Variants in SNX29 observed in about 807,000 individuals in gnomAD.
SNX29 encodes sorting nexin 29, also known as sorting nexin-29.
In SNX29, 78 loss-of-function variants were observed where a neutral mutation model predicts 102.1. The observed-to-expected ratio is 0.76, with a 90% CI of 0.64 to 0.92. The LOEUF is 0.92. Among genes scored for constraint, SNX29 ranks in the 40% least tolerant of loss-of-function variants. SNX29 has a pLI of 0.00. For missense variants in SNX29, 1,280 were observed against 1,061.7 expected (o/e 1.21, Z -2.86); for synonymous variants, 580 against 414.5 (o/e 1.40, Z -4.85).
chr16:12,519,513 T>C (rs1198130299), intron 19 of SNX29, among the ~76,000 whole-genome samples: 4 of 147,132 alleles, frequency 2.7e-5, no homozygotes, highest in African/African-American at 1.1e-4. Context: ...AATGGGAAAA[T>C]GTTGTTAATT....
At position 12,572,647 on chromosome 16, in the gene SNX29, A is replaced by C. The variant is rs562938638; in HGVS notation, c.*4018A>C. ...GAATCCATCCTTCATTCCTCCACCA[A>C]GCTCCTGTGTGAGCTGCAGCACCCA... On this transcript the variant is annotated 3_prime_UTR_variant, in exon 21 of 21. Coordinates refer to ENST00000566228, the MANE Select transcript of SNX29 (RefSeq NM_032167.5). 2 of 1,063,526 alleles carry C rather than the reference A, an allele frequency of 1.9e-6. No individual in the cohort carries two copies. Among genetic ancestry groups the C allele is most frequent in the Non-Finnish European group, 2.3e-6 (2 of 878,242 alleles). 65.9% of individuals were successfully genotyped at this position (1,063,526 alleles called of 1,614,324 possible).
intron 20 of SNX29, among the ~76,000 whole-genome samples, chr16:12,547,079 C>G (rs2077651711): frequency 6.6e-6 from 1 of 152,172 alleles, no homozygotes; most frequent in African/African-American, 2.4e-5. Context: ...GGCAGACATG[C>G]CTATGTGAGG....
chr16:12,539,659 A>G (rs912396436), intron 20 of SNX29, among the ~76,000 whole-genome samples: 11 of 152,206 alleles, frequency 7.2e-5, no homozygotes, highest in Non-Finnish European at 1.2e-4. Flanking sequence ...CCCACAGCGT[A>G]TGAGGGGCCC....
intron 14 of SNX29, among the ~76,000 whole-genome samples, chr16:12,227,555 A>T (rs1217908394): frequency 6.6e-6 from 1 of 152,154 alleles, no homozygotes; most frequent in Admixed American, 6.5e-5. Context: ...AGCTTATCTT[A>T]CACAAATCTA....
At chr16:12,023,989 G>A (rs2057111803) in intron 3 of SNX29, among the ~76,000 whole-genome samples, 1 of 152,196 alleles carries the variant, frequency 6.6e-6, no homozygotes, top group African/African-American at 2.4e-5. Context: ...ATGGTGCTAA[G>A]TGCACGGGAG....
intron 15 of SNX29, among the ~76,000 whole-genome samples, chr16:12,347,371 C>T (rs1260009051): frequency 1.3e-5 from 2 of 151,964 alleles, no homozygotes; most frequent in Non-Finnish European, 2.9e-5. Context: ...TTCCTGGGGC[C>T]AGCCGTCCCC....
intron 20 of SNX29, among the ~76,000 whole-genome samples, chr16:12,565,738 C>CCT (rs539693576): frequency 8.5e-4 from 130 of 152,332 alleles, no homozygotes; most frequent in African/African-American, 3.0e-3. Flanking sequence ...AAGTCCACCC[C>CCT]CTCCCCATGG....
rs1598131700 is a variant in SNX29 at position 12,569,331 on chromosome 16, C to G, written c.*702C>G. ...AGGAAGGACCAGTGCCCTCCATAGC[C>G]TGAGGCCACCTAGGCCCTCGCCAGG... On this transcript the variant is annotated 3_prime_UTR_variant, in exon 21 of 21. Coordinates refer to ENST00000566228, the MANE Select transcript of SNX29 (RefSeq NM_032167.5). The G allele has an allele frequency of 4.4e-6, 1 of 229,860 alleles. No homozygotes were observed. Among genetic ancestry groups the G allele is most frequent in the Non-Finnish European group, 8.6e-6 (1 of 115,994 alleles). The allele number at this position is 229,860 out of a possible 1,614,324, so 14.2% of individuals were successfully genotyped here. A position where few individuals can be genotyped will look rare whatever the true frequency, so the allele number is the denominator to read the frequency against.
chr16:12,403,934 G>A (rs1039391072), intron 18 of SNX29, among the ~76,000 whole-genome samples: 12 of 152,142 alleles, frequency 7.9e-5, no homozygotes, highest in Non-Finnish European at 1.6e-4. Context: ...CCAGCTGTCC[G>A]TGGGTTGACA....
chr16:12,244,588 T>C (rs1296095575), intron 14 of SNX29, among the ~76,000 whole-genome samples: 3 of 151,388 alleles, frequency 2.0e-5, no homozygotes, highest in African/African-American at 7.3e-5. Context: ...CCAGCCTAGG[T>C]GACAGAGACT....
At chr16:12,313,133 C>A (rs2080617948) in intron 15 of SNX29, among the ~76,000 whole-genome samples, 1 of 152,084 alleles carries the variant, frequency 6.6e-6, no homozygotes, top group South Asian at 2.1e-4. Context: ...CCTGCCTCAG[C>A]CTCCTGAGTA....
At chr16:12,430,418 A>G (rs1406080845) in intron 18 of SNX29, among the ~76,000 whole-genome samples, 1 of 152,138 alleles carries the variant, frequency 6.6e-6, no homozygotes, top group African/African-American at 2.4e-5. Flanking sequence ...CCAAGAACAG[A>G]CCTGAGGGGC....
At chr16:12,331,152 C>G (rs2081281307) in intron 15 of SNX29, among the ~76,000 whole-genome samples, 1 of 152,216 alleles carries the variant, frequency 6.6e-6, no homozygotes, top group African/African-American at 2.4e-5. Flanking sequence ...CTGACTGGCC[C>G]TTCTCCAGAG....
intron 9 of SNX29, among the ~76,000 whole-genome samples, chr16:12,065,779 C>T (rs975372322): frequency 6.6e-6 from 1 of 152,130 alleles, no homozygotes; most frequent in Non-Finnish European, 1.5e-5. Context: ...ATTCAGTCTT[C>T]CCACTGGATC....
At chr16:12,055,023 T>A (rs531736319) in intron 8 of SNX29, among the ~76,000 whole-genome samples, 1 of 152,304 alleles carries the variant, frequency 6.6e-6, no homozygotes, top group African/African-American at 2.4e-5. Flanking sequence ...AGGGTATGAA[T>A]GTTTTTGTAC....
At chr16:12,417,911 A>G (rs1597310015) in intron 18 of SNX29, among the ~76,000 whole-genome samples, 1 of 152,176 alleles carries the variant, frequency 6.6e-6, no homozygotes, top group Admixed American at 6.5e-5. Context: ...CTCTGCCTGC[A>G]GTAATTGGAT....
chr16:12,355,893 AG>A (rs1478335840), intron 15 of SNX29, among the ~76,000 whole-genome samples: 1 of 149,114 alleles, frequency 6.7e-6, no homozygotes, highest in East Asian at 2.1e-4. Context: ...GGAAAAAAAA[AG>A]CCCAAGGTCC....
In SNX29 at chr16:12,467,603, T is replaced by TGTTCGTTTGTTC. The variant is rs879437932; in HGVS notation, c.2038-10108_2038-10097dup. Among the ~76,000 whole-genome samples the TGTTCGTTTGTTC allele has an allele frequency of 3.3e-3, 469 of 143,370 alleles. 1 individual carries two copies. Among genetic ancestry groups the TGTTCGTTTGTTC allele is most frequent in the Admixed American group, 0.01 (152 of 14,916 alleles). The allele number at this position is 143,370 out of a possible 152,430, so 94.1% of individuals were successfully genotyped here. On this transcript the variant is annotated intron_variant, in intron 18 of 20. Transcript: ENST00000566228. ...ACTCTGACCTGTTCGTTCATTCGTT[T>TGTTCGTTTGTTC]GTTCGTTTGTTCGTTCGTTAGTTCG... is the stretch of plus-strand genomic sequence containing the variant.
intron 14 of SNX29, among the ~76,000 whole-genome samples, chr16:12,218,988 T>C (rs150666493): frequency 6.6e-6 from 1 of 151,982 alleles, no homozygotes; most frequent in Admixed American, 6.6e-5. Flanking sequence ...GTTAGCCAGG[T>C]TGGTCTCGAT....
Sources: allele counts gnomAD v4.1 joint callset (sites outside exome capture counted in the v4.1 genomes callset), GRCh38; gene constraint gnomAD v4.1.1; transcripts MANE v1.5; gene names NCBI Gene and HGNC (gene_info 2026-07-23, HGNC 2026-07-21).